ENOX2: variants seen among roughly 807,000 people sequenced by gnomAD.
ENOX2 encodes the protein APK1 antigen.
Under a neutral mutation model 45.0 loss-of-function variants are expected in ENOX2, and 36 were observed. The observed-to-expected ratio is 0.80, with a 90% CI of 0.61 to 1.06. ENOX2 has a LOEUF of 1.06. Among genes scored for constraint, ENOX2 ranks in the 50% least tolerant of loss-of-function variants. The pLI is 0.00. For missense variants in ENOX2, 423 were observed against 462.5 expected, an observed-to-expected ratio of 0.91 and a Z score of 0.78; for synonymous variants, 174 against 152.3, an observed-to-expected ratio of 1.14 and a Z score of -1.05.
intron 2 of ENOX2, among the ~76,000 whole-genome samples, chrX:130,843,283 GC>G (rs1167232823): frequency 1.8e-5 from 2 of 110,779 alleles, no homozygotes; most frequent in African/African-American, 6.6e-5. Flanking sequence ...CAGTAACCGA[GC>G]CCTACGGACT....
intron 2 of ENOX2, among the ~76,000 whole-genome samples, chrX:130,817,011 T>TA (rs1173540278): frequency 9.0e-6 from 1 of 111,629 alleles, no homozygotes; most frequent in Admixed American, 9.5e-5. Flanking sequence ...ACAAAATAGA[T>TA]AGACTACTAT....
At chrX:130,631,687 C>T in intron 12 of ENOX2, 111 bp from the exon 13 acceptor site, 2 of 419,622 alleles carry the variant, frequency 4.8e-6, no homozygotes, top group Admixed American at 3.3e-5. Flanking sequence ...CAATACCATT[C>T]AATTTGGATT....
chrX:130,859,627 G>A (rs2078377706), intron 2 of ENOX2, among the ~76,000 whole-genome samples: 1 of 111,955 alleles, frequency 8.9e-6, no homozygotes, highest in South Asian at 3.7e-4. Context: ...GCAGCAGAGT[G>A]TGTATAAACT....
intron 2 of ENOX2, among the ~76,000 whole-genome samples, chrX:130,888,747 C>T (rs1304965508): frequency 1.8e-5 from 2 of 111,857 alleles, no homozygotes; most frequent in African/African-American, 6.5e-5. Flanking sequence ...TTAAATTAGA[C>T]GGAATCGCTG....
Position 130,635,102 on chromosome X carries a change from A to C in ENOX2, c.1312-11T>G. The C allele has an allele frequency of 1.0e-6, 1 of 971,118 alleles. No individual in the cohort carries two copies. Among genetic ancestry groups the C allele is most frequent in the Non-Finnish European group, 1.4e-6 (1 of 691,737 alleles). The allele number at this position is 971,118 out of a possible 1,213,427, so 80.0% of individuals were successfully genotyped here. ...GACTTTGAGTAGATGCTACAAGAAA[A>C]GACCAAAGACAATCAATTTATGAAT... On this transcript the variant is annotated splice_polypyrimidine_tract_variant and intron_variant, in intron 11 of 14. Coordinates refer to ENST00000394363, the MANE Select transcript of ENOX2 (RefSeq NM_006375.4).
At chrX:130,836,142 G>C (rs145439946) in intron 2 of ENOX2, among the ~76,000 whole-genome samples, 368 of 112,346 alleles carry the variant, frequency 3.3e-3, no homozygotes, top group African/African-American at 0.011. Context: ...GCTAAATCCA[G>C]AATCACGGGA....
chrX:130,832,270 T>C (rs1400620084), intron 2 of ENOX2, among the ~76,000 whole-genome samples: 3 of 111,039 alleles, frequency 2.7e-5, no homozygotes, highest in Non-Finnish European at 5.7e-5. Context: ...TCAACATCAA[T>C]TTAGAGCTGG....
At chrX:130,894,507 T>C in intron 2 of ENOX2, among the ~76,000 whole-genome samples, 1 of 109,226 alleles carries the variant, frequency 9.2e-6, no homozygotes, top group East Asian at 2.9e-4. Context: ...TATTCTCAAA[T>C]GGTTATTTTA....
intron 2 of ENOX2, among the ~76,000 whole-genome samples, chrX:130,898,736 C>CTTTTTTTT (rs58534541): frequency 6.3e-5 from 6 of 95,320 alleles, no homozygotes; most frequent in Non-Finnish European, 8.5e-5. Flanking sequence ...TCTTTTTTTT[C>CTTTTTTTT]TTTTTTTTTT....
intron 3 of ENOX2, among the ~76,000 whole-genome samples, chrX:130,733,666 T>G (rs181226463): frequency 8.9e-6 from 1 of 112,693 alleles, no homozygotes; most frequent in African/African-American, 3.2e-5. Flanking sequence ...AAGGGAATTA[T>G]GCTGAGTGAA....
intron 3 of ENOX2, among the ~76,000 whole-genome samples, chrX:130,747,308 T>G (rs945369578): frequency 4.5e-5 from 5 of 111,066 alleles, no homozygotes; most frequent in African/African-American, 1.6e-4. Flanking sequence ...CAATTAGCAC[T>G]TAGCAGAAAG....
At chrX:130,808,420 C>G (rs761808802) in intron 2 of ENOX2, among the ~76,000 whole-genome samples, 1 of 111,207 alleles carries the variant, frequency 9.0e-6, no homozygotes, top group Non-Finnish European at 1.9e-5. Context: ...CCCTTCTAAT[C>G]TTGGGATATA....
chrX:130,874,072 G>T (rs768086144), intron 2 of ENOX2, among the ~76,000 whole-genome samples: 3 of 111,578 alleles, frequency 2.7e-5, no homozygotes, highest in Non-Finnish European at 5.7e-5. Context: ...AAAGCGAGGA[G>T]AAATTTTTAA....
intron 6 of ENOX2, among the ~76,000 whole-genome samples, chrX:130,671,486 T>C (rs1238457961): frequency 1.8e-5 from 2 of 111,379 alleles, no homozygotes; most frequent in Non-Finnish European, 3.8e-5. Context: ...ACTGGGAGTC[T>C]AGGAAGACTA....
chrX:130,815,429 C>T (rs952135144), intron 2 of ENOX2, among the ~76,000 whole-genome samples: 1 of 111,328 alleles, frequency 9.0e-6, no homozygotes, highest in African/African-American at 3.3e-5. Context: ...AGAAGAGCAA[C>T]CCTAAGACAT....
intron 2 of ENOX2, among the ~76,000 whole-genome samples, chrX:130,840,421 G>A (rs1009219468): frequency 7.3e-5 from 8 of 109,086 alleles, no homozygotes; most frequent in Non-Finnish European, 1.1e-4. Context: ...TTAAATCAAC[G>A]TGAAGAAACC....
At chrX:130,703,489 C>G (rs2037957609) in intron 3 of ENOX2, among the ~76,000 whole-genome samples, 1 of 108,765 alleles carries the variant, frequency 9.2e-6, no homozygotes. Context: ...ATAAGTGTTT[C>G]CTTCCTTCTC....
chrX:130,787,519 A>G (rs965932108), intron 2 of ENOX2, among the ~76,000 whole-genome samples: 2 of 111,709 alleles, frequency 1.8e-5, no homozygotes, highest in South Asian at 7.5e-4. Context: ...CCAAGGATGT[A>G]CCCTGCTTTC....
chrX:130,626,151 C>A (rs1315605663), intron 14 of ENOX2, among the ~76,000 whole-genome samples: 1 of 111,308 alleles, frequency 9.0e-6, no homozygotes, highest in Non-Finnish European at 1.9e-5. Flanking sequence ...GAGGGAGCCC[C>A]GATTCTGTTG....
Sources: gnomAD v4.1 joint callset for allele counts (sites outside exome capture counted in the v4.1 genomes callset) on GRCh38, gnomAD v4.1.1 for gene constraint, MANE v1.5 for transcripts, NCBI Gene and HGNC (gene_info 2026-07-23, HGNC 2026-07-21) for gene names.